SIPA1L1: variants seen among roughly 807,000 people sequenced by gnomAD.
SIPA1L1 encodes signal induced proliferation associated 1 like 1, also known as signal-induced proliferation-associated 1-like protein 1.
A neutral mutation model predicts 162.7 loss-of-function variants in SIPA1L1; 26 were observed. That is an observed-to-expected ratio of 0.16 (90% CI 0.12 to 0.22). The LOEUF is 0.22. Among genes scored for constraint, SIPA1L1 ranks in the 10% least tolerant of loss-of-function variants. The pLI is 1.00. For synonymous variants in SIPA1L1, 829 were observed against 837.4 expected (o/e 0.99, Z 0.17); for missense variants, 1,874 against 2,241.0 (o/e 0.84, Z 3.31).
chr14:71,730,890 T>G (rs2084702593), intron 20 of SIPA1L1, among the ~76,000 whole-genome samples: 1 of 152,198 alleles, frequency 6.6e-6, no homozygotes, highest in African/African-American at 2.4e-5. Context: ...GATCCCAGTT[T>G]TATTAAGGGC....
intron 2 of SIPA1L1, among the ~76,000 whole-genome samples, chr14:71,361,620 A>T (rs1472298932): frequency 6.6e-6 from 1 of 152,100 alleles, no homozygotes; most frequent in African/African-American, 2.4e-5. Context: ...TTTTTCTACT[A>T]CGTGGGGTGA....
intron 4 of SIPA1L1, among the ~76,000 whole-genome samples, chr14:71,580,638 A>G (rs1567237706): frequency 6.6e-6 from 1 of 152,110 alleles, no homozygotes; most frequent in Non-Finnish European, 1.5e-5. Context: ...TAATTAGGGG[A>G]TTTAGCACAA....
intron 13 of SIPA1L1, among the ~76,000 whole-genome samples, chr14:71,691,888 C>A (rs2081281501): frequency 6.6e-6 from 1 of 152,208 alleles, no homozygotes; most frequent in Admixed American, 6.5e-5. Context: ...TCTTCACTCA[C>A]AAAATTTATG....
intron 3 of SIPA1L1, among the ~76,000 whole-genome samples, chr14:71,525,637 G>A (rs2052790898): frequency 6.6e-6 from 1 of 152,180 alleles, no homozygotes; most frequent in Admixed American, 6.5e-5. Context: ...TGCCACGTTT[G>A]CTACTTCACT....
At chr14:71,713,256 A>G (rs576599054) in intron 17 of SIPA1L1, among the ~76,000 whole-genome samples, 16 of 152,362 alleles carry the variant, frequency 1.1e-4, no homozygotes, top group Non-Finnish European at 2.4e-4. Context: ...CAAAAGTTAC[A>G]TAAATCCTCA....
intron 2 of SIPA1L1, among the ~76,000 whole-genome samples, chr14:71,433,798 C>T (rs1350779287): frequency 6.6e-6 from 1 of 152,152 alleles, no homozygotes; most frequent in Non-Finnish European, 1.5e-5. Flanking sequence ...AAATCCAAGG[C>T]AATTTCATAG....
chr14:71,669,538 G>A (rs756430125), intron 10 of SIPA1L1, among the ~76,000 whole-genome samples: 3 of 152,108 alleles, frequency 2.0e-5, no homozygotes, highest in Middle Eastern at 3.2e-3. Context: ...AGCAAACCTG[G>A]ATTTCAGCAT....
At chr14:71,323,084 C>G (rs1186338618) in intron 2 of SIPA1L1, among the ~76,000 whole-genome samples, 1 of 152,196 alleles carries the variant, frequency 6.6e-6, no homozygotes, top group African/African-American at 2.4e-5. Context: ...TATTTTCAGG[C>G]TTCTGCATTT....
intron 14 of SIPA1L1, among the ~76,000 whole-genome samples, chr14:71,700,481 T>G (rs557059551): frequency 6.6e-6 from 1 of 152,384 alleles, no homozygotes; most frequent in African/African-American, 2.4e-5. Flanking sequence ...TTTACTCTTA[T>G]GAATGAAACA....
intron 2 of SIPA1L1, among the ~76,000 whole-genome samples, chr14:71,465,964 A>T (rs1454433465): frequency 6.6e-6 from 1 of 152,118 alleles, no homozygotes; most frequent in Non-Finnish European, 1.5e-5. Context: ...CTGACAGCTG[A>T]TTAGATTGTG....
chr14:71,479,867 C>T (rs1440932381), intron 2 of SIPA1L1, among the ~76,000 whole-genome samples: 1 of 152,174 alleles, frequency 6.6e-6, no homozygotes, highest in Non-Finnish European at 1.5e-5. Flanking sequence ...GCTGGGACTA[C>T]AGGCATATGC....
intron 2 of SIPA1L1, among the ~76,000 whole-genome samples, chr14:71,452,045 C>T (rs571591355): frequency 1.3e-5 from 2 of 152,058 alleles, no homozygotes; most frequent in East Asian, 1.9e-4. Flanking sequence ...AAAAGCTTAA[C>T]GTGCATATAG....
chr14:71,540,737 A>T (rs3784066), intron 4 of SIPA1L1, among the ~76,000 whole-genome samples: 24,760 of 152,218 alleles, frequency 0.16, 2,619 homozygotes, highest in Middle Eastern at 0.35. Context: ...TTTAGACATG[A>T]CATTGTTTGA....
At chr14:71,685,268 A>T (rs1258160713) in intron 12 of SIPA1L1, 94 bp from the exon 13 acceptor site, 3 of 1,342,866 alleles carry the variant, frequency 2.2e-6, no homozygotes, top group East Asian at 4.6e-5. Flanking sequence ...GAAATTGTGG[A>T]TCCATTTTTA....
At chr14:71,722,359 A>G (rs1276074071) in intron 17 of SIPA1L1, among the ~76,000 whole-genome samples, 1 of 152,230 alleles carries the variant, frequency 6.6e-6, no homozygotes, top group Non-Finnish European at 1.5e-5. Context: ...ATACAGTATT[A>G]TTAACTAGAG....
At chr14:71,582,180 T>A (rs1487701677) in intron 4 of SIPA1L1, among the ~76,000 whole-genome samples, 1 of 151,886 alleles carries the variant, frequency 6.6e-6, no homozygotes, top group Non-Finnish European at 1.5e-5. Context: ...CAAAAAATTT[T>A]AAAAATTAAC....
At chr14:71,412,813 C>T (rs893571341) in intron 2 of SIPA1L1, among the ~76,000 whole-genome samples, 4 of 152,138 alleles carry the variant, frequency 2.6e-5, no homozygotes, top group African/African-American at 9.7e-5. Flanking sequence ...CTCTTATGGA[C>T]GTGTCTGACT....
At chr14:71,619,998 C>T (rs2039253400) in intron 6 of SIPA1L1, among the ~76,000 whole-genome samples, 1 of 152,230 alleles carries the variant, frequency 6.6e-6, no homozygotes, top group African/African-American at 2.4e-5. Context: ...CGAAGAACGT[C>T]ATGTTCTGTG....
At chr14:71,330,750 GCTGT>G (rs1201185114) in intron 2 of SIPA1L1, 39 of 818,330 alleles carry the variant, frequency 4.8e-5, no homozygotes, top group African/African-American at 3.7e-4. Context: ...AAGGAATCTG[GCTGT>G]CTATCTCGGG....
Sources: gnomAD v4.1 joint callset for allele counts (sites outside exome capture counted in the v4.1 genomes callset) on GRCh38, gnomAD v4.1.1 for gene constraint, MANE v1.5 for transcripts, NCBI Gene and HGNC (gene_info 2026-07-23, HGNC 2026-07-21) for gene names.